Variants in CSNK2A2IP observed in about 807,000 individuals in gnomAD.
CSNK2A2IP encodes casein kinase 2 subunit alpha' interacting protein.
chr3:88,400,803 A>T, the CSNK2A2IP span, among the ~76,000 whole-genome samples: 1 of 152,228 alleles, frequency 6.6e-6, no homozygotes, highest in Non-Finnish European at 1.5e-5. Context: ...AATTTGTGTT[A>T]TCCTAAGACA....
At chr3:88,435,020 A>C in the CSNK2A2IP span, among the ~76,000 whole-genome samples, 1 of 152,144 alleles carries the variant, frequency 6.6e-6, no homozygotes, top group Non-Finnish European at 1.5e-5. Context: ...GTCCCATGTC[A>C]GATGTGGCCT....
chr3:88,435,640 A>T, the CSNK2A2IP span, among the ~76,000 whole-genome samples: 4 of 152,120 alleles, frequency 2.6e-5, no homozygotes. Context: ...CTTTTCTATT[A>T]CTTGCGGCCT....
chr3:88,350,707 A>G, the CSNK2A2IP span, among the ~76,000 whole-genome samples: 1 of 152,122 alleles, frequency 6.6e-6, no homozygotes, highest in Non-Finnish European at 1.5e-5. Flanking sequence ...AATTACAACA[A>G]ATAACCAAAA....
chr3:88,373,727 T>TA, the CSNK2A2IP span, among the ~76,000 whole-genome samples: 1 of 149,954 alleles, frequency 6.7e-6, no homozygotes, highest in Non-Finnish European at 1.5e-5. Context: ...TTTTCAAAAA[T>TA]AAAAAAACTT....
At chr3:88,467,208 T>TTCCTCTTCCTCCACCACC in the CSNK2A2IP span, 4 of 400,644 alleles carry the variant, frequency 1.0e-5, no homozygotes, top group Non-Finnish European at 1.3e-5. Context: ...CCTCCTCCAC[T>TTCCTCTTCCTCCACCACC]TCCTCCTCCT....
chr3:88,407,369 A>C, the CSNK2A2IP span, among the ~76,000 whole-genome samples: 2 of 151,666 alleles, frequency 1.3e-5, no homozygotes, highest in Admixed American at 6.6e-5. Context: ...TAGTATGTTA[A>C]ATGTGTGAAT....
At chr3:88,451,110 AT>A in the CSNK2A2IP span, among the ~76,000 whole-genome samples, 1 of 152,058 alleles carries the variant, frequency 6.6e-6, no homozygotes, top group East Asian at 1.9e-4. Context: ...ATTGAAGTTT[AT>A]TTTAATTGAC....
the CSNK2A2IP span, among the ~76,000 whole-genome samples, chr3:88,442,743 T>C: frequency 1.3e-5 from 2 of 151,974 alleles, no homozygotes; most frequent in Admixed American, 1.3e-4. Flanking sequence ...CTTGTAATTT[T>C]GGTCTAGCTA....
chr3:88,372,730 A>T, the CSNK2A2IP span, among the ~76,000 whole-genome samples: 7 of 151,482 alleles, frequency 4.6e-5, no homozygotes, highest in Non-Finnish European at 1.0e-4. Context: ...CGAGAGATGT[A>T]TTTTGTTTAA....
the CSNK2A2IP span, chr3:88,465,378 T>C: frequency 1.6e-6 from 2 of 1,231,664 alleles, no homozygotes; most frequent in African/African-American, 1.5e-5. Flanking sequence ...TAGCATATTA[T>C]GGTCAACACT....
chr3:88,406,101 T>C, the CSNK2A2IP span, among the ~76,000 whole-genome samples: 6 of 152,138 alleles, frequency 3.9e-5, no homozygotes, highest in Non-Finnish European at 8.8e-5. Context: ...CTCTAGCCTA[T>C]GCTTTTGTAT....
At chr3:88,433,823 G>A in the CSNK2A2IP span, among the ~76,000 whole-genome samples, 1 of 152,110 alleles carries the variant, frequency 6.6e-6, no homozygotes, top group Non-Finnish European at 1.5e-5. Flanking sequence ...ATTACTTATA[G>A]CTGTTGCCTC....
chr3:88,431,601 A>G, the CSNK2A2IP span, among the ~76,000 whole-genome samples: 1 of 152,220 alleles, frequency 6.6e-6, no homozygotes, highest in Non-Finnish European at 1.5e-5. Flanking sequence ...CCAATAAACT[A>G]TGGAAGTAAA....
the CSNK2A2IP span, among the ~76,000 whole-genome samples, chr3:88,391,238 A>T: frequency 6.6e-6 from 1 of 152,166 alleles, no homozygotes; most frequent in East Asian, 1.9e-4. Context: ...TAAAAATGTT[A>T]GCTTTTGCCA....
chr3:88,443,645 A>G, the CSNK2A2IP span, among the ~76,000 whole-genome samples: 3 of 152,144 alleles, frequency 2.0e-5, no homozygotes, highest in African/African-American at 7.2e-5. Flanking sequence ...CTTCTTATCC[A>G]CCTTTGAAGA....
the CSNK2A2IP span, among the ~76,000 whole-genome samples, chr3:88,455,908 A>ATT: frequency 1.8e-4 from 27 of 150,834 alleles, no homozygotes; most frequent in East Asian, 7.8e-4. Flanking sequence ...CTATTTAATG[A>ATT]TTTTTTTTTT....
the CSNK2A2IP span, among the ~76,000 whole-genome samples, chr3:88,374,273 C>T: frequency 9.2e-5 from 14 of 151,618 alleles, no homozygotes; most frequent in South Asian, 1.5e-3. Context: ...TATTTCGGTG[C>T]GAGGCAGTAA....
the CSNK2A2IP span, among the ~76,000 whole-genome samples, chr3:88,391,387 T>C: frequency 6.6e-6 from 1 of 152,182 alleles, no homozygotes. Context: ...GGCATATAGC[T>C]GCAACCTAAA....
At chr3:88,453,539 G>A in the CSNK2A2IP span, among the ~76,000 whole-genome samples, 3 of 152,076 alleles carry the variant, frequency 2.0e-5, no homozygotes, top group Admixed American at 1.3e-4. Flanking sequence ...TATTTTTATT[G>A]TATGGGTTCC....
Sources: allele counts gnomAD v4.1 joint callset (sites outside exome capture counted in the v4.1 genomes callset), GRCh38; gene constraint gnomAD v4.1.1; transcripts MANE v1.5; gene names NCBI Gene and HGNC (gene_info 2026-07-23, HGNC 2026-07-21).